The following KAZN variants were observed in gnomAD, a reference collection of about 807,000 sequenced individuals.
KAZN encodes the protein kazrin, periplakin interacting protein.
A neutral mutation model predicts 87.4 loss-of-function variants in KAZN; 40 were observed. The ratio of observed to expected loss-of-function variants is 0.46; its 90% CI spans 0.36 to 0.60. The LOEUF is 0.60. Among genes scored for constraint, KAZN ranks in the 20% least tolerant of loss-of-function variants. The probability of loss-of-function intolerance (pLI) is 0.00; values close to 1 mark genes in which losing one functional copy is unlikely to be tolerated. For synonymous variants in KAZN, 466 were observed against 458.3 expected (o/e 1.02, Z -0.22); for missense variants, 898 against 1,073.9 (o/e 0.84, Z 2.29).
intron 1 of KAZN, among the ~76,000 whole-genome samples, chr1:14,819,389 G>A (rs1443949373): frequency 6.6e-6 from 1 of 152,136 alleles, no homozygotes; most frequent in Non-Finnish European, 1.5e-5. Context: ...TTGCTGGGAA[G>A]GTATTTTGTT....
At chr1:14,324,959 C>T (rs1656305102) in intron 2 of KAZN, among the ~76,000 whole-genome samples, 1 of 152,146 alleles carries the variant, frequency 6.6e-6, no homozygotes, top group Admixed American at 6.5e-5. Context: ...TTTTGTGACC[C>T]TAAAAATACA....
intron 2 of KAZN, among the ~76,000 whole-genome samples, chr1:14,281,719 G>A (rs1652847792): frequency 5.3e-5 from 8 of 152,204 alleles, no homozygotes; most frequent in Admixed American, 5.2e-4. Flanking sequence ...AGTACCTTCT[G>A]GAAGAAAAGT....
intron 1 of KAZN, among the ~76,000 whole-genome samples, chr1:14,091,756 A>C (rs1039197137): frequency 2.0e-5 from 3 of 152,178 alleles, no homozygotes; most frequent in Non-Finnish European, 4.4e-5. Flanking sequence ...TATAGCGTGC[A>C]AATTAAGAGG....
chr1:14,095,895 T>C (rs1266794598), intron 1 of KAZN, among the ~76,000 whole-genome samples: 2 of 152,102 alleles, frequency 1.3e-5, no homozygotes, highest in East Asian at 3.9e-4. Flanking sequence ...GGACATAGAC[T>C]CCGTCCTGTA....
At chr1:14,950,338 TCCG>T (rs1662332934) in intron 1 of KAZN, among the ~76,000 whole-genome samples, 1 of 151,602 alleles carries the variant, frequency 6.6e-6, no homozygotes, top group Non-Finnish European at 1.5e-5. Flanking sequence ...GATGGGAGGG[TCCG>T]TTTGGCAAAT....
At chr1:14,758,732 A>G (rs185365584) in intron 1 of KAZN, among the ~76,000 whole-genome samples, 73 of 152,174 alleles carry the variant, frequency 4.8e-4, no homozygotes, top group Non-Finnish European at 1.0e-3. Flanking sequence ...TGCTCTCCCA[A>G]TGCTTGTGCC....
At chr1:14,204,249 ACTTCT>A (rs1184395251) in intron 2 of KAZN, among the ~76,000 whole-genome samples, 1 of 152,166 alleles carries the variant, frequency 6.6e-6, no homozygotes, top group African/African-American at 2.4e-5. Context: ...ACCAGAAATG[ACTTCT>A]TCACGATTAT....
At chr1:14,191,436 C>G (rs1288826229) in intron 2 of KAZN, among the ~76,000 whole-genome samples, 1 of 152,084 alleles carries the variant, frequency 6.6e-6, no homozygotes, top group African/African-American at 2.4e-5. Context: ...ACAGAAGGAA[C>G]AGCAGGCTTG....
At chr1:14,256,715 A>G (rs564472030) in intron 2 of KAZN, among the ~76,000 whole-genome samples, 1 of 152,304 alleles carries the variant, frequency 6.6e-6, no homozygotes, top group East Asian at 1.9e-4. Context: ...AGGGGCAAAA[A>G]TAACAGCATT....
At chr1:14,896,265 G>C (rs900491642) in intron 1 of KAZN, among the ~76,000 whole-genome samples, 59 of 152,132 alleles carry the variant, frequency 3.9e-4, no homozygotes, top group African/African-American at 1.3e-3. Context: ...ATGTTGGCCA[G>C]GATGGTCTCA....
In KAZN at chr1:14,902,633, G is replaced by A. The variant is rs1020382175; in HGVS notation, c.227-58051G>A. Among the ~76,000 whole-genome samples the A allele has an allele frequency of 3.3e-5, 5 of 152,048 alleles. 1 individual carries two copies. Among genetic ancestry groups the A allele is most frequent in the Admixed American group, 6.6e-5 (1 of 15,236 alleles). ...CTTTTACCAGCTTTACAGACATTTT[G>A]GAAAGTGGCATCATTAAGTCCATGT... On this transcript the variant is annotated intron_variant, in intron 1 of 14. Coordinates refer to ENST00000376030, the MANE Select transcript of KAZN (RefSeq NM_201628.3).
At chr1:14,099,313 C>A (rs1219020991) in intron 1 of KAZN, among the ~76,000 whole-genome samples, 1 of 152,022 alleles carries the variant, frequency 6.6e-6, no homozygotes, top group Non-Finnish European at 1.5e-5. Context: ...AACCACATAC[C>A]CCCATTTTTC....
At chr1:14,245,726 C>T (rs1405258962) in intron 2 of KAZN, among the ~76,000 whole-genome samples, 2 of 152,112 alleles carry the variant, frequency 1.3e-5, no homozygotes, top group Admixed American at 6.5e-5. Context: ...GTTCCTGTTT[C>T]CTTATCTCAT....
rs72869029 is a variant in KAZN, at chr1:14,366,654, G to A, written c.249+186062G>A. Among the ~76,000 whole-genome samples the A allele has an allele frequency of 2.7e-3, 413 of 152,314 alleles. 4 individuals are homozygous for A. The highest frequency in any genetic ancestry group is 9.5e-3 in the African/African-American group (395 of 41,564). On this transcript the variant is annotated intron_variant, in intron 2 of 16. Coordinates refer to the KAZN transcript ENST00000636203. ...TTGTGTGCCAGCGGGAAGAAACGCC[G>A]CACCAGCATTTAGAGGGGTGCCCAC... is the stretch of plus-strand genomic sequence containing the variant.
At chr1:14,781,694 G>A (rs925718197) in intron 1 of KAZN, among the ~76,000 whole-genome samples, 2 of 152,078 alleles carry the variant, frequency 1.3e-5, no homozygotes, top group Admixed American at 6.6e-5. Flanking sequence ...TCAAGAGGCC[G>A]GGGGCAGTGG....
chr1:14,544,424 A>G (rs79239173), intron 2 of KAZN, among the ~76,000 whole-genome samples: 1,663 of 146,626 alleles, frequency 0.011, 28 homozygotes, highest in African/African-American at 0.039. Context: ...TTTAATCCCA[A>G]ATGACTAAGA....
Position 14,110,058 on chromosome 1 carries a change from A to C in KAZN, c.92-70377A>C, listed in dbSNP as rs983381465. 3.2e-5 allele frequency among the ~76,000 whole-genome samples: 4 copies of C among 126,960 alleles called. 1 individual carries two copies. In the East Asian group the frequency reaches 9.4e-4, roughly 30 times the overall value. 83.3% of individuals were successfully genotyped at this position (126,960 alleles called of 152,430 possible). A position where few individuals can be genotyped will look rare whatever the true frequency, so the allele number is the denominator to read the frequency against. ...AGCAAAGCAATAATATGTTGTGATT[A>C]ATAAGTGGCTTGACAGGCAGGAAAA... On this transcript the variant is annotated intron_variant, in intron 1 of 16. Transcript: ENST00000636203.
intron 2 of KAZN, among the ~76,000 whole-genome samples, chr1:15,019,405 T>C (rs1214116282): frequency 6.6e-6 from 1 of 152,206 alleles, no homozygotes; most frequent in Non-Finnish European, 1.5e-5. Context: ...GTTTGTTTCT[T>C]TGAGACAGAG....
chr1:13,932,564 TA>T (rs1194700799), intron 1 of KAZN, among the ~76,000 whole-genome samples: 8 of 152,144 alleles, frequency 5.3e-5, no homozygotes, highest in Non-Finnish European at 7.4e-5. Flanking sequence ...CCGGCCTTAT[TA>T]AACATATTAA....
Sources: gnomAD v4.1 joint callset for allele counts (sites outside exome capture counted in the v4.1 genomes callset) on GRCh38, gnomAD v4.1.1 for gene constraint, MANE v1.5 for transcripts, NCBI Gene and HGNC (gene_info 2026-07-23, HGNC 2026-07-21) for gene names.